CACHD1: variants seen among roughly 807,000 people sequenced by gnomAD.
CACHD1 encodes cache domain containing 1, also known as VWFA and cache domain-containing protein 1.
In CACHD1, 71 loss-of-function variants were observed where a neutral mutation model predicts 138.7. That is an observed-to-expected ratio of 0.51 (90% confidence interval 0.42 to 0.62). The LOEUF is 0.62. CACHD1 is among the 20% of genes least tolerant of loss of function. The pLI is 0.00. For missense variants in CACHD1, 1,389 were observed against 1,625.3 expected, an observed-to-expected ratio of 0.85 and a Z score of 2.50; for synonymous variants, 578 against 591.5, an observed-to-expected ratio of 0.98 and a Z score of 0.33.
chr1:64,474,002 A>C (rs1195016072), intron 1 of CACHD1, among the ~76,000 whole-genome samples: 1 of 152,188 alleles, frequency 6.6e-6, no homozygotes, highest in Admixed American at 6.5e-5. Context: ...GTCTACCTTG[A>C]AGATTTTCTT....
chr1:64,602,917 G>C lies in CACHD1; in HGVS notation c.517+5G>C. On this transcript the variant is annotated splice_donor_5th_base_variant and intron_variant, in intron 4 of 26. Coordinates refer to ENST00000651257, the MANE Select transcript of CACHD1 (RefSeq NM_020925.4). ...CAGGACGAGACTTAAATTCAGGTCA[G>C]TAATCCATTGGCTTTATAAAGATGA... is the stretch of plus-strand genomic sequence containing the variant. 6.4e-7 allele frequency: 1 copy of C among 1,562,986 alleles called. No individual in the cohort carries two copies. The highest frequency in any genetic ancestry group is 8.8e-7 in the Non-Finnish European group (1 of 1,133,694).
intron 5 of CACHD1, among the ~76,000 whole-genome samples, chr1:64,632,256 G>GAAAAA (rs55924104): frequency 1.8e-4 from 24 of 129,788 alleles, no homozygotes; most frequent in Admixed American, 2.4e-4. Context: ...GCTTTTTTCT[G>GAAAAA]AAAAAAAAAA....
intron 26 of CACHD1, among the ~76,000 whole-genome samples, chr1:64,684,280 T>C (rs1650283872): frequency 6.6e-6 from 1 of 152,094 alleles, no homozygotes; most frequent in African/African-American, 2.4e-5. Context: ...AGGATCTCAT[T>C]TGTGGTAAAA....
chr1:64,678,469 G>A (rs1279358398), intron 23 of CACHD1, among the ~76,000 whole-genome samples, 159 bp downstream of exon 23: 1 of 152,056 alleles, frequency 6.6e-6, no homozygotes, highest in African/African-American at 2.4e-5. Flanking sequence ...TTCAGAACTG[G>A]CTAAATATTC....
chr1:64,603,249 C>T (rs1263542580), intron 4 of CACHD1, among the ~76,000 whole-genome samples: 15 of 151,818 alleles, frequency 9.9e-5, no homozygotes, highest in Admixed American at 7.2e-4. Context: ...GGACTACAGG[C>T]GCCCACCACC....
intron 1 of CACHD1, among the ~76,000 whole-genome samples, chr1:64,521,403 G>A (rs1185129204): frequency 6.6e-6 from 1 of 152,160 alleles, no homozygotes; most frequent in East Asian, 1.9e-4. Flanking sequence ...TAGGCCCATT[G>A]GATAATCTCT....
intron 7 of CACHD1, 101 bp from the exon 8 acceptor site, chr1:64,641,719 A>C: frequency 1.2e-6 from 1 of 830,820 alleles, no homozygotes; most frequent in Non-Finnish European, 1.8e-6. Flanking sequence ...GGGCTAGGCA[A>C]GTCCTCGAGG....
intron 1 of CACHD1, among the ~76,000 whole-genome samples, chr1:64,478,167 AT>A (rs1217769904): frequency 6.6e-6 from 1 of 152,142 alleles, no homozygotes; most frequent in Non-Finnish European, 1.5e-5. Context: ...ACTCTCCTAG[AT>A]TTTTACAAAT....
intron 1 of CACHD1, among the ~76,000 whole-genome samples, chr1:64,548,253 A>C (rs1172203513): frequency 1.3e-5 from 2 of 152,192 alleles, no homozygotes; most frequent in African/African-American, 4.8e-5. Flanking sequence ...TGCCTCCTTC[A>C]TCAGTCAACT....
chr1:64,565,784 T>C (rs191676646), intron 2 of CACHD1, among the ~76,000 whole-genome samples: 3 of 152,334 alleles, frequency 2.0e-5, no homozygotes, highest in Admixed American at 2.0e-4. Context: ...GGTATTATTA[T>C]CCTATTTTCC....
chr1:64,501,430 C>T (rs1161937173), intron 1 of CACHD1, among the ~76,000 whole-genome samples: 1 of 152,186 alleles, frequency 6.6e-6, no homozygotes, highest in Non-Finnish European at 1.5e-5. Context: ...GCCTTCCAGT[C>T]AGATTGGCAG....
At position 64,654,707 on chromosome 1, in the gene CACHD1, TATCGCA is replaced by T; in HGVS notation, c.1687_1692del (p.Ile563_Ala564del). On this transcript the variant is annotated inframe_deletion, in exon 12 of 27. Transcript: ENST00000651257. The stretch of plus-strand genomic sequence containing the variant: ...ACAGCCTCCCTCTGGGCAGCCAGAT[TATCGCA>T]GTCCCTGTGAACTCATCCCTGTCTT... The T allele has an allele frequency of 6.2e-7, 1 of 1,613,730 alleles. No homozygotes were observed. The highest frequency in any genetic ancestry group is 8.5e-7 in the Non-Finnish European group (1 of 1,179,700).
At chr1:64,480,095 T>G (rs1295831639) in intron 1 of CACHD1, among the ~76,000 whole-genome samples, 2 of 152,214 alleles carry the variant, frequency 1.3e-5, no homozygotes, top group Non-Finnish European at 2.9e-5. Context: ...TGGTCCCTCC[T>G]GTGGAGTTGT....
intron 1 of CACHD1, among the ~76,000 whole-genome samples, chr1:64,475,100 C>G (rs779244636): frequency 6.6e-6 from 1 of 151,592 alleles, no homozygotes; most frequent in Non-Finnish European, 1.5e-5. Context: ...GTTGTAAATA[C>G]TGACTACAGC....
At chr1:64,578,201 A>C (rs1412254220) in intron 2 of CACHD1, among the ~76,000 whole-genome samples, 9 of 152,202 alleles carry the variant, frequency 5.9e-5, no homozygotes, top group Non-Finnish European at 1.2e-4. Context: ...ACAGACTTTG[A>C]ATTTGTATAA....
rs1184570080 is a variant in CACHD1 at position 64,560,309 on chromosome 1, A to AT, written c.261+9660dup. Among the ~76,000 whole-genome samples the AT allele has an allele frequency of 8.6e-5, 13 of 151,410 alleles. 1 individual carries two copies. In the South Asian group the frequency reaches 2.1e-3, roughly 24 times the overall value. ...TTTAGGTTGGAACATTAGATCACTGATTTTTTTACCTTTTTTTCAAATGGA... is the reference window on the plus strand; with the variant it reads ...TTTAGGTTGGAACATTAGATCACTGATTTTTTTTACCTTTTTTTCAAATGGA... On this transcript the variant is annotated intron_variant, in intron 2 of 26. Coordinates refer to ENST00000651257, the MANE Select transcript of CACHD1 (RefSeq NM_020925.4).
chr1:64,626,643 A>C (rs1275002929), intron 4 of CACHD1, among the ~76,000 whole-genome samples: 1 of 152,168 alleles, frequency 6.6e-6, no homozygotes. Context: ...CTCCTCTTGC[A>C]CATTGGTCAT....
chr1:64,636,467 C>CA (rs1557531623), intron 7 of CACHD1, among the ~76,000 whole-genome samples: 1 of 152,168 alleles, frequency 6.6e-6, no homozygotes, highest in African/African-American at 2.4e-5. Context: ...AGGCTACTGT[C>CA]AGAGTGTCAG....
intron 15 of CACHD1, 143 bp from the exon 16 acceptor site, chr1:64,665,914 A>C (rs964462753): frequency 2.4e-6 from 1 of 413,854 alleles, no homozygotes; most frequent in Admixed American, 4.1e-5. Context: ...CTGAGGCAGG[A>C]GAATGGCGTG....
Sources: allele counts gnomAD v4.1 joint callset (sites outside exome capture counted in the v4.1 genomes callset), GRCh38; gene constraint gnomAD v4.1.1; transcripts MANE v1.5; gene names NCBI Gene and HGNC (gene_info 2026-07-23, HGNC 2026-07-21).